KMT2A: variants seen among roughly 807,000 people sequenced by gnomAD.
KMT2A encodes the protein lysine methyltransferase 2A.
A neutral mutation model predicts 345.3 loss-of-function variants in KMT2A; 16 were observed. The ratio of observed to expected loss-of-function variants is 0.05; its 90% confidence interval spans 0.03 to 0.07. The LOEUF (loss-of-function observed/expected upper bound fraction) is 0.07. Among genes scored for constraint, KMT2A ranks in the 10% least tolerant of loss-of-function variants. The pLI is 1.00. For synonymous variants in KMT2A, 1,599 were observed against 1,778.6 expected, an observed-to-expected ratio of 0.90 and a Z score of 2.54; for missense variants, 3,272 against 4,841.6, an observed-to-expected ratio of 0.68 and a Z score of 9.62.
At position 118,523,676 on chromosome 11, in the gene KMT2A, G is replaced by A. The variant is rs553913700; in HGVS notation, c.*1504G>A. 1.8e-5 allele frequency: 4 copies of A among 226,550 alleles called. No individual in the cohort carries two copies. In the South Asian group the frequency reaches 5.5e-4, roughly 31 times the overall value. The allele number at this position is 226,550 out of a possible 1,614,324, so 14.0% of individuals were successfully genotyped here. A position where few individuals can be genotyped will look rare whatever the true frequency, so the allele number is the denominator to read the frequency against. ...TATTATCCTAATTTAAAAGAAGATC[G>A]GTTTTTAATAATTTTTTATTTTCAT... On this transcript the variant is annotated 3_prime_UTR_variant, in exon 36 of 36. Transcript: ENST00000534358.
chr11:118,451,229 A>G (rs1466553623), intron 1 of KMT2A, among the ~76,000 whole-genome samples: 1 of 74,634 alleles, frequency 1.3e-5, no homozygotes, highest in African/African-American at 4.6e-5. Flanking sequence ...TTTTTTTTTT[A>G]GAGACAGGTT....
chr11:118,490,350 A>C lies in KMT2A; in HGVS notation c.4696+101A>C. ...AATGAAATAAAAAGTCTCACACATTATGTCAAGGATACCATTTAGACACAT... is the reference window on the plus strand; with the variant it reads ...AATGAAATAAAAAGTCTCACACATTCTGTCAAGGATACCATTTAGACACAT... On this transcript the variant is annotated intron_variant, in intron 13 of 35. Coordinates refer to ENST00000534358, the MANE Select transcript of KMT2A (RefSeq NM_001197104.2). The surrounding 1 kb of genome is among the most constrained non-coding windows in gnomAD (Gnocchi z 4.2). 1 of 1,222,250 alleles carries C rather than the reference A, an allele frequency of 8.2e-7. No individual in the cohort carries two copies. The highest frequency in any genetic ancestry group is 1.1e-6 in the Non-Finnish European group (1 of 907,124). 75.7% of individuals were successfully genotyped at this position (1,222,250 alleles called of 1,614,324 possible). A position where few individuals can be genotyped will look rare whatever the true frequency, so the allele number is the denominator to read the frequency against.
At chr11:118,454,989 CCT>C (rs1190053609) in intron 1 of KMT2A, among the ~76,000 whole-genome samples, 3 of 152,038 alleles carry the variant, frequency 2.0e-5, no homozygotes, top group African/African-American at 7.2e-5. Flanking sequence ...ACAGCTAACA[CCT>C]CTCCACCCCC....
At chr11:118,470,022 G>GTTTT in intron 2 of KMT2A, among the ~76,000 whole-genome samples, 1 of 152,120 alleles carries the variant, frequency 6.6e-6, no homozygotes, top group Non-Finnish European at 1.5e-5. Context: ...TTGTTTGTTT[G>GTTTT]TTTATAGATG....
chr11:118,470,153 T>G (rs2134253025), intron 2 of KMT2A, among the ~76,000 whole-genome samples: 1 of 152,332 alleles, frequency 6.6e-6, no homozygotes, highest in South Asian at 2.1e-4. Context: ...TTCTGCTGCT[T>G]CTACTTATCT....
rs782591851 is a variant in KMT2A, at chr11:118,472,645, A to C, written c.1486A>C (p.Ile496Leu). 1 of 1,612,604 alleles carries C rather than the reference A, an allele frequency of 6.2e-7. No homozygotes were observed. The highest frequency in any genetic ancestry group is 1.3e-5 in the African/African-American group (1 of 74,378). The stretch of plus-strand genomic sequence containing the variant: ...CACAGACTCTCAGGCTTCTGAGGAG[A>C]TTCAGGTACTTCCTGAGGAGCGGAG... ...TSTDSQASEE[I>L]QVLPEERSDT... The change falls in exon 3 of 36, where the codon ATT (isoleucine) becomes CTT (leucine). Residue 496 changes from isoleucine to leucine, a missense_variant. Coordinates refer to ENST00000534358, the MANE Select transcript of KMT2A (RefSeq NM_001197104.2).
In KMT2A at chr11:118,505,740, G is replaced by A. The variant is rs781886946; in HGVS notation, c.9848G>A (p.Arg3283Gln). Residue 3283 changes from arginine (R) to glutamine (Q), a missense_variant, in exon 27 of 36, where the codon CGA becomes CAA. Arg to Gln is a conservative substitution (Grantham distance 43, BLOSUM62 1). Around this residue, in one of 27 missense-constraint regions of KMT2A, gnomAD observed 748 missense variants for 922.2 expected, o/e 0.81. Coordinates refer to ENST00000534358, the MANE Select transcript of KMT2A (RefSeq NM_001197104.2). The surrounding 1 kb of genome is among the most constrained non-coding windows in gnomAD (Gnocchi z 4.6). ...DLGSLNTSSH[R>Q]TVPNIIKRSK... ...GGGTCACTTAATACTTCATCTCACC[G>A]AACTGTCCCCAACATCATAAAAAGA... The A allele has an allele frequency of 9.6e-5, 155 of 1,613,886 alleles. No individual in the cohort carries two copies. Among genetic ancestry groups the A allele is most frequent in the Non-Finnish European group, 1.3e-4 (150 of 1,180,022 alleles).
At chr11:118,517,774 A>G (rs1555052007) in intron 31 of KMT2A, among the ~76,000 whole-genome samples, 1 of 152,120 alleles carries the variant, frequency 6.6e-6, no homozygotes, top group Non-Finnish European at 1.5e-5. Context: ...CAGAAATTCA[A>G]GGTTACAGTG....
intron 1 of KMT2A, among the ~76,000 whole-genome samples, chr11:118,452,600 A>G (rs1288921668): frequency 6.6e-6 from 1 of 151,840 alleles, no homozygotes; most frequent in African/African-American, 2.4e-5. Flanking sequence ...GCTGCCTTCT[A>G]CCATCAAAGA....
At position 118,490,626 on chromosome 11, in the gene KMT2A, C is replaced by T. The variant is rs961045108; in HGVS notation, c.4696+377C>T. ...CTAATACATTAAACCTGTTATATTA[C>T]TGACTTAGGATAATCATATAAAGTT... On this transcript the variant is annotated intron_variant, in intron 13 of 35. Coordinates refer to ENST00000534358, the MANE Select transcript of KMT2A (RefSeq NM_001197104.2). The surrounding 1 kb of genome is among the most constrained non-coding windows in gnomAD (Gnocchi z 4.2). 4.6e-5 allele frequency among the ~76,000 whole-genome samples: 7 copies of T among 151,944 alleles called. No homozygotes were observed. The highest frequency in any genetic ancestry group is 1.0e-4 in the Non-Finnish European group (7 of 68,000).
Position 118,522,558 on chromosome 11 carries a change from C to G in KMT2A, c.*386C>G. ...CCTCAGGTTGGCCCTTTCCCAAGCA[C>G]TGTAAGTGAGTGGGTCAGGCAAAGC... On this transcript the variant is annotated 3_prime_UTR_variant, in exon 36 of 36. Coordinates refer to ENST00000534358, the MANE Select transcript of KMT2A (RefSeq NM_001197104.2). This position sits in a 1 kb window ranked among gnomAD's most constrained non-coding sequence, Gnocchi z 5.4. 3.9e-6 allele frequency: 1 copy of G among 257,854 alleles called. No individual in the cohort carries two copies. Among genetic ancestry groups the G allele is most frequent in the South Asian group, 1.1e-4 (1 of 9,042 alleles). The allele number at this position is 257,854 out of a possible 1,614,324, so 16.0% of individuals were successfully genotyped here. A position where few individuals can be genotyped will look rare whatever the true frequency, so the allele number is the denominator to read the frequency against.
chr11:118,481,489 T>C (rs1950131537), intron 6 of KMT2A, among the ~76,000 whole-genome samples: 1 of 152,214 alleles, frequency 6.6e-6, no homozygotes, highest in South Asian at 2.1e-4. Flanking sequence ...ATTTTCTTTA[T>C]CCATTCATCT....
intron 10 of KMT2A, among the ~76,000 whole-genome samples, chr11:118,487,314 G>A (rs1950247237): frequency 6.6e-6 from 1 of 152,030 alleles, no homozygotes; most frequent in South Asian, 2.1e-4. Flanking sequence ...ATTCTTTATA[G>A]TTGTACATAG....
rs201139747 is a variant in KMT2A, at chr11:118,472,680, T to G, written c.1521T>G (p.Pro507=). ...TTCCTGAGGAGCGGAGCGATACCCC[T>G]GAAGTTCATCCTCCACTGCCCATTT... The part of the protein sequence containing the change: ...QVLPEERSDT[P]EVHPPLPISQ... Residue 507 remains proline, a synonymous_variant, in exon 3 of 36, where the codon CCT becomes CCG. Transcript: ENST00000534358. 6.2e-7 allele frequency: 1 copy of G among 1,613,092 alleles called. No individual in the cohort carries two copies. The highest frequency in any genetic ancestry group is 2.2e-5 in the East Asian group (1 of 44,872).
At position 118,494,321 on chromosome 11, in the gene KMT2A, C is replaced by A. The variant is rs77275625; in HGVS notation, c.5212C>A (p.Gln1738Lys). The change falls in exon 17 of 36, where the codon CAA becomes AAA. Residue 1738 changes from glutamine (Q) to lysine (K), a missense_variant. This residue lies in a region of KMT2A where 235 missense variants were observed against 503.4 expected (regional missense o/e 0.47). Coordinates refer to ENST00000534358, the MANE Select transcript of KMT2A (RefSeq NM_001197104.2). This position sits in a 1 kb window ranked among gnomAD's most constrained non-coding sequence, Gnocchi z 5.8. ...CAGTGATGATATTGTGAAGATCATT[C>A]AAGCAGCCATTAATTCAGATGGAGG... ...EFSDDIVKII[Q>K]AAINSDGGQP... 1 of 1,606,538 alleles carries A rather than the reference C, an allele frequency of 6.2e-7. No homozygotes were observed. Among genetic ancestry groups the A allele is most frequent in the Non-Finnish European group, 8.5e-7 (1 of 1,173,186 alleles).
intron 32 of KMT2A, 81 bp downstream of exon 32, chr11:118,519,873 T>C (rs1238044210): frequency 1.3e-6 from 2 of 1,560,072 alleles, no homozygotes; most frequent in Admixed American, 3.4e-5. Flanking sequence ...CACATACCCT[T>C]TGAGATTTCC....
intron 27 of KMT2A, 29 bp downstream of exon 27, chr11:118,506,675 G>T (rs2134415489): frequency 1.3e-6 from 2 of 1,543,132 alleles, no homozygotes; most frequent in South Asian, 2.5e-5. Flanking sequence ...AGCTAGGCTG[G>T]GTCTGTGGGA....
rs782227605 is a variant in KMT2A, at chr11:118,479,867, G to A, written c.3570-307G>A. 7.9e-5 allele frequency among the ~76,000 whole-genome samples: 12 copies of A among 152,132 alleles called. 1 individual carries two copies. In the South Asian group the frequency reaches 1.4e-3, roughly 18 times the overall value. On this transcript the variant is annotated intron_variant, in intron 5 of 35. Coordinates refer to ENST00000534358, the MANE Select transcript of KMT2A (RefSeq NM_001197104.2). ...CATCGTAAGAGAGTAGGACTGATGC[G>A]ACTACAAGAAATACTGACTGATCAT...
Position 118,471,645 on chromosome 11 carries a change from T to C in KMT2A, c.503-17T>C. The C allele has an allele frequency of 6.6e-7, 1 of 1,522,232 alleles. No individual in the cohort carries two copies. The highest frequency in any genetic ancestry group is 8.8e-7 in the Non-Finnish European group (1 of 1,131,416). The allele number at this position is 1,522,232 out of a possible 1,614,324, so 94.3% of individuals were successfully genotyped here. ...CAGCTAAATATATGCTCTTCATTGT[T>C]TAATTTCTATACACAGTTAAAACTA... On this transcript the variant is annotated splice_polypyrimidine_tract_variant and intron_variant, in intron 2 of 35. Transcript: ENST00000534358.
Sources: allele counts gnomAD v4.1 joint callset (sites outside exome capture counted in the v4.1 genomes callset), GRCh38; gene constraint gnomAD v4.1.1; regional missense constraint gnomAD v4.1.1; non-coding constraint Gnocchi (gnomAD v3.1); transcripts MANE v1.5; gene names NCBI Gene and HGNC (gene_info 2026-07-23, HGNC 2026-07-21).